EPG5: variants seen among roughly 807,000 people sequenced by gnomAD.
EPG5 encodes ectopic P granules protein 5 homolog.
EPG5 carries 159 observed loss-of-function variants against 302.7 expected under a neutral mutation model. The observed-to-expected ratio is 0.53, with a 90% CI of 0.46 to 0.60. EPG5 has a LOEUF of 0.60. Ranked by LOEUF, EPG5 falls within the 20% of genes least tolerant of loss-of-function variation. The pLI is 0.00. For missense variants in EPG5, 2,896 were observed against 3,092.4 expected, an observed-to-expected ratio of 0.94 and a Z score of 1.51; for synonymous variants, 1,158 against 1,136.8, an observed-to-expected ratio of 1.02 and a Z score of -0.37.
intron 24 of EPG5, among the ~76,000 whole-genome samples, chr18:45,905,687 G>A (rs1260199400): frequency 6.6e-6 from 1 of 152,140 alleles, no homozygotes; most frequent in Non-Finnish European, 1.5e-5. Context: ...TTGAATTACA[G>A]ATCAAGAAAT....
At chr18:45,907,148 A>C (rs2049770258) in intron 24 of EPG5, 2 of 152,260 alleles carry the variant, frequency 1.3e-5, no homozygotes, top group South Asian at 4.1e-4. Context: ...AAAGAAAACA[A>C]GAAAAAGACA....
At chr18:45,951,272 A>T (rs1324551657) in intron 3 of EPG5, 34 bp from the exon 4 acceptor site, 2 of 1,386,424 alleles carry the variant, frequency 1.4e-6, no homozygotes, top group South Asian at 4.0e-5. Flanking sequence ...AGTCTCTCAT[A>T]AATGGTGTTT....
rs553169775 is a variant in EPG5, at chr18:45,882,632, A to C, written c.5305-145T>G. On this transcript the variant is annotated intron_variant, in intron 30 of 43. Coordinates refer to ENST00000282041, the MANE Select transcript of EPG5 (RefSeq NM_020964.3). ...GAAATTAAAATGTATAAACAAGTAC[A>C]TAAAAGATTCAACCTGAGGAAGCTA... 4.7e-5 allele frequency: 27 copies of C among 576,148 alleles called. No individual in the cohort carries two copies. The South Asian group carries it at 6.9e-4, about 15-fold the overall frequency. The allele number at this position is 576,148 out of a possible 1,614,324, so 35.7% of individuals were successfully genotyped here.
rs750989043 is a variant in EPG5 at position 45,912,396 on chromosome 18, G to A, written c.3877C>T (p.Arg1293Cys). The change falls in exon 22 of 44, where the codon CGC (arginine) becomes TGC (cysteine). Residue 1293 changes from arginine to cysteine, a missense_variant. Coordinates refer to ENST00000282041, the MANE Select transcript of EPG5 (RefSeq NM_020964.3). ...VPSLQRLLIYRWAHQALVTPS... is the reference protein window; with the variant it reads ...VPSLQRLLIYCWAHQALVTPS... The stretch of plus-strand genomic sequence containing the variant: ...GTGACCAGAGCCTGGTGGGCCCAGC[G>A]ATAAATCAGCAGCCTCTGGAGGGAT... 4.3e-6 allele frequency: 7 copies of A among 1,610,960 alleles called. No individual in the cohort carries two copies. The highest frequency in any genetic ancestry group is 1.7e-5 in the Admixed American group (1 of 59,050).
intron 27 of EPG5, among the ~76,000 whole-genome samples, chr18:45,896,683 C>T (rs1163309846): frequency 1.3e-5 from 2 of 152,070 alleles, no homozygotes; most frequent in African/African-American, 2.4e-5. Context: ...TAGCTTGGAC[C>T]ACAGGCGTGC....
At chr18:45,946,916 G>C in intron 6 of EPG5, 148 bp from the exon 7 acceptor site, 1 of 640,052 alleles carries the variant, frequency 1.6e-6, no homozygotes, top group African/African-American at 1.8e-5. Flanking sequence ...CAAAAACCAA[G>C]GCTAATAAAA....
intron 42 of EPG5, among the ~76,000 whole-genome samples, chr18:45,856,521 T>C (rs1178309938): frequency 6.6e-6 from 1 of 152,206 alleles, no homozygotes; most frequent in Non-Finnish European, 1.5e-5. Flanking sequence ...CACTGAATTG[T>C]GCATATAAAA....
Position 45,872,318 on chromosome 18 carries a change from G to C in EPG5, c.6050-1576C>G, listed in dbSNP as rs573443372. Among the ~76,000 whole-genome samples the C allele has an allele frequency of 2.0e-5, 3 of 152,246 alleles. No homozygotes were observed. The South Asian group carries it at 6.2e-4, about 32-fold the overall frequency. ...TAAAACAAGTGGTTTCAGACTTTCT[G>C]GTTCCATGCTAATGGAATGCAGTCA... On this transcript the variant is annotated intron_variant, in intron 35 of 43. Transcript: ENST00000282041.
At position 45,870,662 on chromosome 18, in the gene EPG5, G is replaced by A. The variant is rs1289861507; in HGVS notation, c.6130C>T (p.Pro2044Ser). Residue 2044 changes from proline to serine, a missense_variant, in exon 36 of 44, where the codon CCA becomes TCA. This residue lies in a region of EPG5 where 620 missense variants were observed against 704.2 expected (regional missense o/e 0.88). Coordinates refer to ENST00000282041, the MANE Select transcript of EPG5 (RefSeq NM_020964.3). ...YCEACTAPKM[P>S]EFILYAFHST... ...TGGAAAGCGTACAGAATGAACTCTG[G>A]CATTTTGGGTGCTGTACATGCTTCA... 1.2e-6 allele frequency: 2 copies of A among 1,613,832 alleles called. No homozygotes were observed. The highest frequency in any genetic ancestry group is 1.7e-6 in the Non-Finnish European group (2 of 1,179,946).
At chr18:45,838,016 C>T in the EPG5 span, 1 of 1,250,328 alleles carries the variant, frequency 8.0e-7, no homozygotes, top group Non-Finnish European at 1.0e-6. Context: ...AGACCCAGCC[C>T]TCTCCTCTAC....
At position 45,879,204 on chromosome 18, in the gene EPG5, G is replaced by A; in HGVS notation, c.5678C>T (p.Thr1893Ile). Residue 1893 changes from threonine to isoleucine, a missense_variant, in exon 33 of 44, where the codon ACT becomes ATT. Thr to Ile is a moderately conservative substitution (Grantham distance 89). This residue lies in a region of EPG5 where 790 missense variants were observed against 798.0 expected (regional missense o/e 0.99). Coordinates refer to ENST00000282041, the MANE Select transcript of EPG5 (RefSeq NM_020964.3). The part of the protein sequence containing the change: ...ALLSDKQVME[T>I]IQWLSDFFYK... ...AAAAAAGTCTGAAAGCCACTGTATA[G>A]TCTCCATTACCTGGAAGAGACAACT... 6.2e-7 allele frequency: 1 copy of A among 1,609,540 alleles called. No homozygotes were observed. The highest frequency in any genetic ancestry group is 8.5e-7 in the Non-Finnish European group (1 of 1,178,730).
chr18:45,916,702 T>C (rs1221678748), intron 17 of EPG5, 120 bp from the exon 18 acceptor site: 2 of 1,045,488 alleles, frequency 1.9e-6, no homozygotes, highest in Middle Eastern at 2.1e-4. Flanking sequence ...ACCAAAGCAC[T>C]ATTTAAGAAG....
intron 6 of EPG5, among the ~76,000 whole-genome samples, chr18:45,947,803 C>T (rs1480752012): frequency 1.3e-5 from 2 of 151,730 alleles, no homozygotes; most frequent in Non-Finnish European, 2.9e-5. Context: ...GTTGGAATTT[C>T]GCTCTATCAC....
chr18:45,860,226 A>G lies in EPG5; in HGVS notation c.6887T>C (p.Ile2296Thr), dbSNP rs921995592. 3 of 1,614,106 alleles carry G rather than the reference A, an allele frequency of 1.9e-6. No individual in the cohort carries two copies. Among genetic ancestry groups the G allele is most frequent in the Admixed American group, 3.3e-5 (2 of 60,004 alleles). ...EFLRGSIRTW[I>T]GQKMHGLVVL... ...CACCAGCCCATGCATTTTTTGGCCA[A>G]TCCAGGTCCGGATACTGCCCCGAAG... The change falls in exon 40 of 44, where the codon ATT becomes ACT. Residue 2296 changes from isoleucine (I) to threonine (T), a missense_variant. Physicochemically the swap from Ile to Thr is moderately conservative, Grantham distance 89. Coordinates refer to ENST00000282041, the MANE Select transcript of EPG5 (RefSeq NM_020964.3).
the EPG5 span, chr18:45,825,640 G>C: frequency 7.0e-7 from 1 of 1,419,148 alleles, no homozygotes; most frequent in Non-Finnish European, 9.8e-7. Context: ...ACCCCCGCCC[G>C]CCTTCCTTCC....
At chr18:45,949,450 C>T in intron 5 of EPG5, 34 bp downstream of exon 5, 1 of 1,354,664 alleles carries the variant, frequency 7.4e-7, no homozygotes, top group Non-Finnish European at 1.0e-6. Context: ...ACCTCTCCCC[C>T]AACCCCTCAG....
At chr18:45,884,089 T>G (rs981680922) in intron 30 of EPG5, among the ~76,000 whole-genome samples, 1 of 152,084 alleles carries the variant, frequency 6.6e-6, no homozygotes, top group Non-Finnish European at 1.5e-5. Context: ...ACTACTATTA[T>G]GAATATTTTC....
At chr18:45,800,983 T>C in the EPG5 span, among the ~76,000 whole-genome samples, 4 of 152,172 alleles carry the variant, frequency 2.6e-5, no homozygotes, top group Non-Finnish European at 5.9e-5. Context: ...TTCCTCCTAC[T>C]TTCTTAAATT....
At chr18:45,905,832 C>A (rs944444525) in intron 24 of EPG5, among the ~76,000 whole-genome samples, 9 of 152,294 alleles carry the variant, frequency 5.9e-5, no homozygotes, top group African/African-American at 1.9e-4. Context: ...TTTAAAAACA[C>A]TGACCAAGTA....
Sources: gnomAD v4.1 joint callset for allele counts (sites outside exome capture counted in the v4.1 genomes callset) on GRCh38, gnomAD v4.1.1 for gene constraint, gnomAD v4.1.1 regional missense constraint, MANE v1.5 for transcripts, NCBI Gene and HGNC (gene_info 2026-07-23, HGNC 2026-07-21) for gene names.